ME1: variants seen among roughly 807,000 people sequenced by gnomAD.
The protein encoded by ME1 is NADP-dependent malic enzyme.
A neutral mutation model predicts 66.4 loss-of-function variants in ME1; 74 were observed. The observed-to-expected ratio is 1.11, with a 90% CI of 0.92 to 1.35. The LOEUF (loss-of-function observed/expected upper bound fraction) is 1.35. Among genes scored for constraint, ME1 ranks in the 40% most tolerant of loss-of-function variants. The probability of loss-of-function intolerance (pLI) is 0.00; values close to 1 mark genes in which losing one functional copy is unlikely to be tolerated. For missense variants in ME1, 750 were observed against 694.1 expected, an observed-to-expected ratio of 1.08 and a Z score of -0.90; for synonymous variants, 251 against 235.6, an observed-to-expected ratio of 1.07 and a Z score of -0.60.
chr6:83,392,244 T>C (rs1440443440), intron 3 of ME1, among the ~76,000 whole-genome samples: 1 of 146,552 alleles, frequency 6.8e-6, no homozygotes, highest in Non-Finnish European at 1.5e-5. Context: ...AGGGCTGCTT[T>C]AAACTCTGGT....
chr6:83,395,817 C>A (rs1763451880), intron 3 of ME1, among the ~76,000 whole-genome samples: 1 of 150,820 alleles, frequency 6.6e-6, no homozygotes, highest in African/African-American at 2.4e-5. Flanking sequence ...GAAGTCCTAG[C>A]CAAAACAATT....
intron 3 of ME1, among the ~76,000 whole-genome samples, chr6:83,355,189 T>C (rs1768865545): frequency 6.6e-6 from 1 of 152,122 alleles, no homozygotes; most frequent in South Asian, 2.1e-4. Flanking sequence ...AAAATTAAAA[T>C]ATTTTTGAAC....
intron 6 of ME1, among the ~76,000 whole-genome samples, chr6:83,313,142 T>C (rs1354366275): frequency 6.6e-6 from 1 of 152,250 alleles, no homozygotes; most frequent in African/African-American, 2.4e-5. Flanking sequence ...ATTTAAGTTA[T>C]GTTTCTTTTT....
chr6:83,379,509 A>G (rs890212691), intron 3 of ME1, among the ~76,000 whole-genome samples: 1 of 152,066 alleles, frequency 6.6e-6, no homozygotes, highest in Non-Finnish European at 1.5e-5. Context: ...TTTGCATTCT[A>G]TGAATGCTTG....
rs1231862035 is a variant in ME1 at position 83,430,314 on chromosome 6, A to G, written c.78+563T>C. Among the ~76,000 whole-genome samples, 8 of 152,338 alleles carry G rather than the reference A, an allele frequency of 5.3e-5. No individual in the cohort carries two copies. In the East Asian group the frequency reaches 1.4e-3, roughly 26 times the overall value. On this transcript the variant is annotated intron_variant, in intron 1 of 13. Transcript: ENST00000369705. Reference sequence around the variant, plus strand: ...CCAAGACAGAGGCCACCCACCACGCATTCCCAGACTCTTAACCGTGTCACT... The same window carrying G: ...CCAAGACAGAGGCCACCCACCACGCGTTCCCAGACTCTTAACCGTGTCACT...
intron 6 of ME1, among the ~76,000 whole-genome samples, chr6:83,273,582 A>G (rs571555318): frequency 7.0e-4 from 107 of 152,336 alleles, no homozygotes; most frequent in African/African-American, 2.5e-3. Context: ...GTTTTCTTCT[A>G]TGATGAAGTA....
At chr6:83,389,938 C>A (rs184987543) in intron 3 of ME1, among the ~76,000 whole-genome samples, 1 of 151,922 alleles carries the variant, frequency 6.6e-6, no homozygotes, top group Non-Finnish European at 1.5e-5. Flanking sequence ...ACAATCCAAG[C>A]GAGCCCAAAA....
At chr6:83,237,608 C>T (rs547029306) in intron 9 of ME1, 109 bp downstream of exon 9, 2 of 530,462 alleles carry the variant, frequency 3.8e-6, no homozygotes, top group South Asian at 6.2e-5. Context: ...TTAATGGCTA[C>T]TCTTTTAATA....
In ME1 at chr6:83,234,381, C is replaced by T. The variant is rs138187476; in HGVS notation, c.1026+3336G>A. On this transcript the variant is annotated intron_variant, in intron 9 of 13. Transcript: ENST00000369705. Reference sequence around the variant, plus strand: ...AGACACTTATCCTCTGTATCAGTCCCGTATCTCCAACTGCCAATGGGACAT... The same window carrying T: ...AGACACTTATCCTCTGTATCAGTCCTGTATCTCCAACTGCCAATGGGACAT... 3.4e-4 allele frequency among the ~76,000 whole-genome samples: 51 copies of T among 152,224 alleles called. No individual in the cohort carries two copies. The East Asian group carries it at 7.5e-3, about 22-fold the overall frequency.
intron 2 of ME1, among the ~76,000 whole-genome samples, chr6:83,401,897 G>A (rs1157532650): frequency 6.6e-6 from 1 of 152,132 alleles, no homozygotes; most frequent in African/African-American, 2.4e-5. Context: ...TTCCATTATG[G>A]GAAGGACAAC....
At chr6:83,284,332 A>G (rs1454963665) in intron 6 of ME1, among the ~76,000 whole-genome samples, 2 of 152,124 alleles carry the variant, frequency 1.3e-5, no homozygotes, top group Admixed American at 6.6e-5. Flanking sequence ...GCTGGTCCAT[A>G]TTCCACTGAA....
chr6:83,386,289 T>G (rs1769501454), intron 3 of ME1, among the ~76,000 whole-genome samples: 1 of 151,890 alleles, frequency 6.6e-6, no homozygotes. Flanking sequence ...TTTCTAGAAA[T>G]ACAGACAATT....
intron 6 of ME1, among the ~76,000 whole-genome samples, chr6:83,302,143 C>T (rs149574209): frequency 1.5e-3 from 227 of 152,254 alleles, no homozygotes; most frequent in African/African-American, 5.2e-3. Context: ...GAGATTATGT[C>T]CTTTGTAGGA....
intron 6 of ME1, among the ~76,000 whole-genome samples, chr6:83,266,937 T>C (rs1767000058): frequency 6.6e-6 from 1 of 152,200 alleles, no homozygotes; most frequent in Non-Finnish European, 1.5e-5. Context: ...CATTTATGAA[T>C]GACTCTGGAA....
At chr6:83,220,349 C>T (rs1790068333) in intron 12 of ME1, among the ~76,000 whole-genome samples, 1 of 152,154 alleles carries the variant, frequency 6.6e-6, no homozygotes, top group South Asian at 2.1e-4. Flanking sequence ...AGATTTGTCT[C>T]CCAGGTGTGA....
At chr6:83,232,831 C>T (rs7771908) in intron 9 of ME1, among the ~76,000 whole-genome samples, 8,219 of 152,086 alleles carry the variant, frequency 0.054, 705 homozygotes, top group African/African-American at 0.18. Context: ...TTATAACATA[C>T]AATATACCTT....
chr6:83,316,364 T>C (rs1768029293), intron 5 of ME1, among the ~76,000 whole-genome samples: 1 of 152,146 alleles, frequency 6.6e-6, no homozygotes, highest in Non-Finnish European at 1.5e-5. Flanking sequence ...ATAATTTAAA[T>C]ATAACATACC....
At chr6:83,236,041 T>A (rs530576369) in intron 9 of ME1, among the ~76,000 whole-genome samples, 103 of 152,202 alleles carry the variant, frequency 6.8e-4, no homozygotes, top group African/African-American at 2.3e-3. Flanking sequence ...CAACTGTATT[T>A]TAAATAAAAA....
chr6:83,210,698 C>A lies in ME1; in HGVS notation c.*1226G>T, dbSNP rs1349021427. Reference sequence around the variant, plus strand: ...ATATCTTATACTCCTTAAAGCATTACTTCAAAAACAAAATTCTTCAAATAA... The same window carrying A: ...ATATCTTATACTCCTTAAAGCATTAATTCAAAAACAAAATTCTTCAAATAA... On this transcript the variant is annotated 3_prime_UTR_variant, in exon 14 of 14. Transcript: ENST00000369705. The A allele has an allele frequency of 6.6e-6, 1 of 152,164 alleles. No individual in the cohort carries two copies. The highest frequency in any genetic ancestry group is 2.4e-5 in the African/African-American group (1 of 41,434). 9.4% of individuals were successfully genotyped at this position (152,164 alleles called of 1,614,324 possible).
Sources: allele counts gnomAD v4.1 joint callset (sites outside exome capture counted in the v4.1 genomes callset), GRCh38; gene constraint gnomAD v4.1.1; transcripts MANE v1.5; gene names NCBI Gene and HGNC (gene_info 2026-07-23, HGNC 2026-07-21).